Variants in CHCHD3 observed in about 807,000 individuals in gnomAD.
The protein encoded by CHCHD3 is MICOS complex subunit MIC19.
Under a neutral mutation model 38.2 loss-of-function variants are expected in CHCHD3, and 20 were observed. That is an observed-to-expected ratio of 0.52 (90% CI 0.37 to 0.76). The LOEUF is 0.76. CHCHD3 is among the 30% of genes least tolerant of loss of function. CHCHD3 has a pLI of 0.00. For synonymous variants in CHCHD3, 82 were observed against 100.0 expected, an observed-to-expected ratio of 0.82 and a Z score of 1.07; for missense variants, 245 against 279.2, an observed-to-expected ratio of 0.88 and a Z score of 0.87.
At chr7:132,824,314 CTTTTTTTTTTTT>C (rs57262694) in intron 6 of CHCHD3, among the ~76,000 whole-genome samples, 3 of 90,132 alleles carry the variant, frequency 3.3e-5, no homozygotes, top group East Asian at 3.6e-4. Context: ...TAGTAGAACT[CTTTTTTTTTTTT>C]TTTTTTTTTT....
chr7:133,002,512 CA>C (rs1452696713), intron 3 of CHCHD3, among the ~76,000 whole-genome samples: 31 of 151,088 alleles, frequency 2.1e-4, no homozygotes, highest in Non-Finnish European at 5.9e-5. Flanking sequence ...TTTCATAGTA[CA>C]AAAATAATTT....
intron 5 of CHCHD3, among the ~76,000 whole-genome samples, chr7:132,882,241 A>G (rs765936875): frequency 4.6e-5 from 7 of 152,096 alleles, no homozygotes; most frequent in Non-Finnish European, 1.0e-4. Context: ...ACCACAAGGG[A>G]TTAGGTGAAT....
chr7:132,961,591 G>A (rs1338903023), intron 4 of CHCHD3, among the ~76,000 whole-genome samples: 5 of 152,172 alleles, frequency 3.3e-5, no homozygotes, highest in Non-Finnish European at 4.4e-5. Flanking sequence ...ACACCTGTGC[G>A]TGTGCTCGCA....
intron 3 of CHCHD3, among the ~76,000 whole-genome samples, chr7:133,014,418 T>C (rs896710488): frequency 7.2e-5 from 11 of 151,858 alleles, no homozygotes; most frequent in Admixed American, 7.2e-4. Context: ...GTAAATAGCA[T>C]ATAACTAACA....
At chr7:132,928,965 A>AT (rs993766929) in intron 4 of CHCHD3, among the ~76,000 whole-genome samples, 8 of 151,806 alleles carry the variant, frequency 5.3e-5, no homozygotes, top group Non-Finnish European at 1.0e-4. Flanking sequence ...TCTTTCTTAC[A>AT]TTTTTTATCC....
intron 3 of CHCHD3, among the ~76,000 whole-genome samples, chr7:132,986,021 A>C (rs1378636553): frequency 6.6e-6 from 1 of 151,306 alleles, no homozygotes; most frequent in Non-Finnish European, 1.5e-5. Flanking sequence ...GTGTAGAAAG[A>C]GGTAGACATG....
intron 3 of CHCHD3, among the ~76,000 whole-genome samples, chr7:132,998,729 A>G (rs1439755330): frequency 6.6e-6 from 1 of 152,210 alleles, no homozygotes; most frequent in African/African-American, 2.4e-5. Flanking sequence ...GCAAGTTCAG[A>G]TCAAATAATG....
At chr7:133,028,018 C>T (rs1028111279) in intron 2 of CHCHD3, among the ~76,000 whole-genome samples, 10 of 152,154 alleles carry the variant, frequency 6.6e-5, no homozygotes, top group Non-Finnish European at 1.5e-4. Context: ...TAATGATTTT[C>T]ATACTTTCAT....
chr7:133,042,137 T>C (rs1813851018), intron 2 of CHCHD3, among the ~76,000 whole-genome samples: 1 of 152,200 alleles, frequency 6.6e-6, no homozygotes, highest in South Asian at 2.1e-4. Context: ...TTTTCCAGCA[T>C]AGCATGTCCA....
intron 4 of CHCHD3, among the ~76,000 whole-genome samples, chr7:132,951,885 G>C (rs1811044652): frequency 6.6e-6 from 1 of 152,158 alleles, no homozygotes; most frequent in African/African-American, 2.4e-5. Flanking sequence ...ATTAGTTGAA[G>C]AGCCCATAAA....
intron 4 of CHCHD3, among the ~76,000 whole-genome samples, chr7:132,929,512 G>C (rs933885102): frequency 6.6e-6 from 1 of 152,132 alleles, no homozygotes; most frequent in African/African-American, 2.4e-5. Context: ...TCATCTCTTT[G>C]AGAAGGATTC....
intron 4 of CHCHD3, among the ~76,000 whole-genome samples, chr7:132,922,352 T>C (rs959072985): frequency 6.6e-6 from 1 of 152,132 alleles, no homozygotes; most frequent in Non-Finnish European, 1.5e-5. Context: ...AAATTACTAA[T>C]ATCACCACTA....
intron 4 of CHCHD3, among the ~76,000 whole-genome samples, chr7:132,974,327 A>C (rs1392244602): frequency 3.9e-5 from 6 of 152,194 alleles, no homozygotes; most frequent in Non-Finnish European, 8.8e-5. Flanking sequence ...AACAACAAAA[A>C]CATGTCTATG....
chr7:132,974,055 A>T, intron 4 of CHCHD3: 1 of 1,267,738 alleles, frequency 7.9e-7, no homozygotes, highest in Non-Finnish European at 1.0e-6. Flanking sequence ...ATTGCTTAAT[A>T]AATTATGTTG....
chr7:132,945,870 A>G (rs187795445), intron 4 of CHCHD3, among the ~76,000 whole-genome samples: 339 of 152,020 alleles, frequency 2.2e-3, no homozygotes, highest in Middle Eastern at 0.01. Flanking sequence ...CAATCTACAT[A>G]AACACCAGTT....
chr7:132,909,264 C>T (rs117731539), intron 4 of CHCHD3, among the ~76,000 whole-genome samples: 3,028 of 152,214 alleles, frequency 0.02, 63 homozygotes, highest in East Asian at 0.11. Flanking sequence ...GAGGCTGAAG[C>T]AGATGGATCA....
intron 7 of CHCHD3, among the ~76,000 whole-genome samples, chr7:132,793,088 T>C (rs1414242620): frequency 6.6e-6 from 1 of 152,204 alleles, no homozygotes; most frequent in Non-Finnish European, 1.5e-5. Flanking sequence ...GCAAATACTA[T>C]TGGCTTCTCA....
chr7:132,815,192 G>A (rs775544599), intron 6 of CHCHD3, among the ~76,000 whole-genome samples: 2 of 152,090 alleles, frequency 1.3e-5, no homozygotes, highest in Non-Finnish European at 2.9e-5. Flanking sequence ...TTGGTTATAA[G>A]TGCCAACATT....
At chr7:132,975,921 C>T (rs538434769) in intron 3 of CHCHD3, among the ~76,000 whole-genome samples, 488 of 102,320 alleles carry the variant, frequency 4.8e-3, no homozygotes, top group Non-Finnish European at 8.1e-3. Context: ...AATGAGACTC[C>T]GTTTAAAAAA....
Sources: gnomAD v4.1 joint callset for allele counts (sites outside exome capture counted in the v4.1 genomes callset) on GRCh38, gnomAD v4.1.1 for gene constraint, MANE v1.5 for transcripts, NCBI Gene and HGNC (gene_info 2026-07-23, HGNC 2026-07-21) for gene names.